The following RBBP8 variants were observed in gnomAD, a reference collection of about 807,000 sequenced individuals.
RBBP8 encodes the protein RB binding protein 8, endonuclease.
In RBBP8, 88 loss-of-function variants were observed where a neutral mutation model predicts 108.3. The ratio of observed to expected loss-of-function variants is 0.81; its 90% CI spans 0.68 to 0.97. The LOEUF (loss-of-function observed/expected upper bound fraction) is 0.97. RBBP8 is among the 50% of genes least tolerant of loss of function. The pLI, the probability that RBBP8 is intolerant of heterozygous loss-of-function variation, is 0.00. For missense variants in RBBP8, 1,023 were observed against 1,049.0 expected (o/e 0.98, Z 0.34); for synonymous variants, 332 against 348.2 (o/e 0.95, Z 0.52).
chr18:22,980,870 A>T (rs1209785550), intron 6 of RBBP8, among the ~76,000 whole-genome samples: 1 of 148,424 alleles, frequency 6.7e-6, no homozygotes, highest in Non-Finnish European at 1.5e-5. Flanking sequence ...GTGTGCCACC[A>T]CGCCTGGCAA....
At chr18:22,964,467 C>CGTTT (rs987225147) in intron 4 of RBBP8, among the ~76,000 whole-genome samples, 5 of 150,634 alleles carry the variant, frequency 3.3e-5, no homozygotes, top group Non-Finnish European at 7.4e-5. Context: ...TCCCCTCCTG[C>CGTTT]GTTTCCTTGC....
At chr18:22,996,263 C>G (rs1407066703) in intron 12 of RBBP8, 111 bp from the exon 13 acceptor site, 4 of 1,506,818 alleles carry the variant, frequency 2.7e-6, no homozygotes, top group Non-Finnish European at 3.5e-6. Flanking sequence ...AGTCCTTTAC[C>G]AGACATATGA....
chr18:22,935,057 AT>A (rs1910420601), intron 1 of RBBP8, among the ~76,000 whole-genome samples: 1 of 150,470 alleles, frequency 6.6e-6, no homozygotes, highest in Admixed American at 6.6e-5. Flanking sequence ...ACAATTATAT[AT>A]AGGCCCATTT....
At chr18:23,017,741 CTTT>C (rs928545363) in intron 17 of RBBP8, among the ~76,000 whole-genome samples, 1 of 89,192 alleles carries the variant, frequency 1.1e-5, no homozygotes, top group African/African-American at 5.0e-5. Flanking sequence ...AATATAAGTT[CTTT>C]TTTTTTTTTT....
chr18:23,008,003 A>G (rs1045568674), intron 16 of RBBP8, among the ~76,000 whole-genome samples: 6 of 151,822 alleles, frequency 4.0e-5, no homozygotes, highest in Non-Finnish European at 8.8e-5. Context: ...TAGTAGAGAC[A>G]GGGTTTCACC....
rs140086727 is a variant in RBBP8 at position 22,967,868 on chromosome 18, C to T, written c.249-938C>T. Among the ~76,000 whole-genome samples, 389 of 152,004 alleles carry T rather than the reference C, an allele frequency of 2.6e-3. 1 individual carries two copies. The highest frequency in any genetic ancestry group is 9.0e-3 in the African/African-American group (373 of 41,494). On this transcript the variant is annotated intron_variant, in intron 4 of 18. Coordinates refer to ENST00000327155, the MANE Select transcript of RBBP8 (RefSeq NM_002894.3). The stretch of plus-strand genomic sequence containing the variant: ...TTCACTGTGATAGCCAGGGTTGTCT[C>T]GATCTCCTGACCTTGTGTTCCGCCC...
At position 22,950,025 on chromosome 18, in the gene RBBP8, T is replaced by A. The variant is rs529517899; in HGVS notation, c.248+312T>A. On this transcript the variant is annotated intron_variant, in intron 4 of 18. Transcript: ENST00000327155. ...TACTTCTAAGTAGGTGGAAACTGCT[T>A]CACAATTCTGTTTCTGTCGTCTTTT... 7 of 230,124 alleles carry A rather than the reference T, an allele frequency of 3.0e-5. No homozygotes were observed. The South Asian group carries it at 5.8e-4, about 19-fold the overall frequency. 14.3% of individuals were successfully genotyped at this position (230,124 alleles called of 1,614,324 possible). A position where few individuals can be genotyped will look rare whatever the true frequency, so the allele number is the denominator to read the frequency against.
chr18:22,931,745 C>T (rs1273791333), upstream of RBBP8, among the ~76,000 whole-genome samples: 2 of 152,152 alleles, frequency 1.3e-5, no homozygotes, highest in Non-Finnish European at 2.9e-5. Flanking sequence ...TCCAAAGTCA[C>T]TCAGTAAGGA....
In RBBP8 at chr18:23,022,310, T is replaced by A. The variant is rs758259140; in HGVS notation, c.2596+40T>A. 4.5e-6 allele frequency: 7 copies of A among 1,565,748 alleles called. No individual in the cohort carries two copies. The African/African-American group carries it at 5.5e-5, about 12-fold the overall frequency. ...TGTAACATTTTATAATTATTTTTTTTAAATACTTGGCCGGGCACAGTGGCT... is the reference window on the plus strand; with the variant it reads ...TGTAACATTTTATAATTATTTTTTTAAAATACTTGGCCGGGCACAGTGGCT... On this transcript the variant is annotated intron_variant, in intron 18 of 18. Coordinates refer to ENST00000327155, the MANE Select transcript of RBBP8 (RefSeq NM_002894.3).
Position 23,020,501 on chromosome 18 carries a change from A to G in RBBP8, c.2455-1628A>G, listed in dbSNP as rs114852203. Among the ~76,000 whole-genome samples the G allele has an allele frequency of 5.8e-3, 879 of 152,312 alleles. 5 individuals are homozygous for G. Among genetic ancestry groups the G allele is most frequent in the African/African-American group, 0.021 (853 of 41,574 alleles). The stretch of plus-strand genomic sequence containing the variant: ...CACAGCAAAGTTGTACAGAAAGTAC[A>G]TACAGTTCCCATGTACCTCTGTCCC... On this transcript the variant is annotated intron_variant, in intron 17 of 18. Coordinates refer to ENST00000327155, the MANE Select transcript of RBBP8 (RefSeq NM_002894.3).
At chr18:22,934,618 AC>A (rs1210596979) in intron 1 of RBBP8, 1 of 151,928 alleles carries the variant, frequency 6.6e-6, no homozygotes, top group Admixed American at 6.6e-5. Context: ...GGTGTGCTGC[AC>A]CCATTAACTC....
chr18:22,931,484 C>T (rs141187926), upstream of RBBP8, among the ~76,000 whole-genome samples: 160 of 152,256 alleles, frequency 1.1e-3, no homozygotes, highest in African/African-American at 3.6e-3. Flanking sequence ...TCAAAGTAGA[C>T]ACAATTTAAG....
chr18:23,022,065 T>G, intron 17 of RBBP8, 64 bp from the exon 18 acceptor site: 1 of 1,339,216 alleles, frequency 7.5e-7, no homozygotes, highest in Non-Finnish European at 1.1e-6. Flanking sequence ...TAGTTTGTAA[T>G]CAATAAGCAT....
At position 23,001,571 on chromosome 18, in the gene RBBP8, T is replaced by A. The variant is rs750655482; in HGVS notation, c.2144-15T>A. The A allele has an allele frequency of 1.4e-5, 22 of 1,614,100 alleles. No homozygotes were observed. The highest frequency in any genetic ancestry group is 1.8e-5 in the Non-Finnish European group (21 of 1,179,992). On this transcript the variant is annotated splice_polypyrimidine_tract_variant and intron_variant, in intron 14 of 18. Transcript: ENST00000327155. ...AAGCTTGCTTATTGCCCTAAGCCAG[T>A]GCTCTTTTACATAGATGAAGAAAGA...
At chr18:22,974,723 G>T (rs1357675660) in intron 5 of RBBP8, among the ~76,000 whole-genome samples, 2 of 152,166 alleles carry the variant, frequency 1.3e-5, no homozygotes, top group Non-Finnish European at 2.9e-5. Context: ...GCCTCTGAGT[G>T]CTGGGATTAC....
rs541608467 is a variant in RBBP8, at chr18:23,020,643, A to G, written c.2455-1486A>G. Among the ~76,000 whole-genome samples, 121 of 151,714 alleles carry G rather than the reference A, an allele frequency of 8.0e-4. 1 individual carries two copies. The highest frequency in any genetic ancestry group is 1.4e-3 in the Non-Finnish European group (96 of 67,806). On this transcript the variant is annotated intron_variant, in intron 17 of 18. Transcript: ENST00000327155. Reference sequence around the variant, plus strand: ...ATAAAAGTTAAATCATGTCATTCCCAGAATCCTTCATTGTCTTCCCATCCC... The same window carrying G: ...ATAAAAGTTAAATCATGTCATTCCCGGAATCCTTCATTGTCTTCCCATCCC...
At chr18:22,955,495 C>G (rs1407145975) in intron 4 of RBBP8, among the ~76,000 whole-genome samples, 2 of 152,054 alleles carry the variant, frequency 1.3e-5, no homozygotes, top group Non-Finnish European at 2.9e-5. Context: ...ATGATAGATC[C>G]ATTTTGCATG....
intron 12 of RBBP8, 58 bp downstream of exon 12, chr18:22,993,905 T>A: frequency 6.5e-7 from 1 of 1,545,642 alleles, no homozygotes; most frequent in Non-Finnish European, 8.9e-7. Flanking sequence ...TGAATGTCAT[T>A]ATTTACTTTT....
chr18:22,988,315 C>T (rs1915465048), intron 8 of RBBP8, among the ~76,000 whole-genome samples: 1 of 152,162 alleles, frequency 6.6e-6, no homozygotes, highest in African/African-American at 2.4e-5. Context: ...ATTTGAAACT[C>T]CTTAGCATAA....
Sources: gnomAD v4.1 joint callset for allele counts (sites outside exome capture counted in the v4.1 genomes callset) on GRCh38, gnomAD v4.1.1 for gene constraint, MANE v1.5 for transcripts, NCBI Gene and HGNC (gene_info 2026-07-23, HGNC 2026-07-21) for gene names.